SHROOM4: variants seen among roughly 807,000 people sequenced by gnomAD.
SHROOM4 encodes shroom family member 4.
Under a neutral mutation model 80.3 loss-of-function variants are expected in SHROOM4, and 17 were observed. The observed-to-expected ratio is 0.21, with a 90% CI of 0.14 to 0.32. The LOEUF is 0.32. Ranked by LOEUF, SHROOM4 falls within the 10% of genes least tolerant of loss-of-function variation. SHROOM4 has a pLI of 1.00. For missense variants in SHROOM4, 993 were observed against 1,140.3 expected (o/e 0.87, Z 1.86); for synonymous variants, 400 against 437.5 (o/e 0.91, Z 1.07).
chrX:50,720,416 T>TA (rs1934077749), intron 1 of SHROOM4, among the ~76,000 whole-genome samples: 1 of 112,125 alleles, frequency 8.9e-6, no homozygotes, highest in African/African-American at 3.2e-5. Flanking sequence ...AACTCCTCCT[T>TA]AGAGTCCCCA....
intron 1 of SHROOM4, among the ~76,000 whole-genome samples, chrX:50,771,602 A>C (rs916421352): frequency 8.9e-6 from 1 of 112,270 alleles, no homozygotes; most frequent in Non-Finnish European, 1.9e-5. Context: ...GTTGCAATGC[A>C]ATAACTCATA....
chrX:50,672,462 T>C (rs782762878), intron 2 of SHROOM4, among the ~76,000 whole-genome samples: 9 of 111,318 alleles, frequency 8.1e-5, no homozygotes, highest in Non-Finnish European at 1.7e-4. Flanking sequence ...CAGTTGAAGA[T>C]AGAAAAATAT....
chrX:50,689,367 T>C (rs1487066040), intron 2 of SHROOM4, among the ~76,000 whole-genome samples: 1 of 111,933 alleles, frequency 8.9e-6, no homozygotes, highest in Non-Finnish European at 1.9e-5. Context: ...AAGTTGTCTA[T>C]GGAGAGCATG....
chrX:50,713,491 C>A (rs148488794), intron 1 of SHROOM4, among the ~76,000 whole-genome samples: 6,226 of 109,715 alleles, frequency 0.057, 447 homozygotes, highest in African/African-American at 0.2. Context: ...ATTAGCTGGG[C>A]ATGGTGTCAT....
intron 1 of SHROOM4, among the ~76,000 whole-genome samples, chrX:50,781,222 C>T (rs1557270636): frequency 9.0e-6 from 1 of 111,180 alleles, no homozygotes. Flanking sequence ...CTAGTCTCTT[C>T]CAGAAACACC....
chrX:50,742,268 T>C (rs924429712), intron 1 of SHROOM4, among the ~76,000 whole-genome samples: 2 of 111,652 alleles, frequency 1.8e-5, no homozygotes, highest in Non-Finnish European at 3.8e-5. Context: ...TAAGATACTA[T>C]AGAGATTTAC....
chrX:50,669,176 G>A (rs782271945), intron 2 of SHROOM4, among the ~76,000 whole-genome samples: 2 of 112,221 alleles, frequency 1.8e-5, no homozygotes, highest in East Asian at 5.6e-4. Context: ...GATTGGAGTA[G>A]GTGTGGCAAT....
Position 50,634,217 on chromosome X carries a change from G to A in SHROOM4, c.1856C>T (p.Pro619Leu), listed in dbSNP as rs373985980. 5 of 1,209,742 alleles carry A rather than the reference G, an allele frequency of 4.1e-6. No homozygotes were observed. The African/African-American group carries it at 8.8e-5, about 21-fold the overall frequency. Residue 619 changes from proline (P) to leucine (L), a missense_variant, in exon 4 of 9, where the codon CCA becomes CTA. Physicochemically the swap from Pro to Leu is moderately conservative, Grantham distance 98. Coordinates refer to ENST00000376020, the MANE Select transcript of SHROOM4 (RefSeq NM_020717.5). ...TGGGGGCTCCTGGGTCTCTTCCACT[G>A]GCTCCTTAGTGTCACACAGCTGTGA... ...PLSQLCDTKE[P>L]VEETQEPPES...
In SHROOM4 at chrX:50,633,234, C is replaced by T. The variant is rs375463767; in HGVS notation, c.2839G>A (p.Glu947Lys). The change falls in exon 4 of 9, where the codon GAG becomes AAG. Residue 947 changes from glutamate to lysine, a missense_variant. Transcript: ENST00000376020. ...CYHNPQHSAL[E>K]DSSLAPGNTW... is the part of the protein sequence containing the mutation. ...TTGCCAGGTGCCAAGCTGCTGTCCT[C>T]GAGGGCACTGTGCTGAGGATTATGA... 2.1e-5 allele frequency: 25 copies of T among 1,209,772 alleles called. No individual in the cohort carries two copies. Among genetic ancestry groups the T allele is most frequent in the Non-Finnish European group, 2.6e-5 (23 of 895,234 alleles).
chrX:50,750,934 C>T (rs982495006), intron 1 of SHROOM4, among the ~76,000 whole-genome samples: 1 of 111,975 alleles, frequency 8.9e-6, no homozygotes, highest in Non-Finnish European at 1.9e-5. Flanking sequence ...AAAACATTAA[C>T]GTATCACTTA....
At chrX:50,797,678 AG>A (rs1349730895) in intron 1 of SHROOM4, among the ~76,000 whole-genome samples, 8 of 111,864 alleles carry the variant, frequency 7.2e-5, no homozygotes, top group African/African-American at 2.6e-4. Context: ...AGAGAAAACA[AG>A]GATGATGAAA....
At chrX:50,611,578 G>C (rs186670334) in intron 5 of SHROOM4, among the ~76,000 whole-genome samples, 3 of 111,903 alleles carry the variant, frequency 2.7e-5, no homozygotes, top group East Asian at 2.8e-4. Flanking sequence ...AACAAACAAT[G>C]AAAATATCAG....
the SHROOM4 span, among the ~76,000 whole-genome samples, chrX:50,576,006 A>T: frequency 1.8e-5 from 2 of 111,714 alleles, no homozygotes; most frequent in East Asian, 5.6e-4. Flanking sequence ...CAGTGCCGCT[A>T]GGCCTTCCAG....
At chrX:50,807,171 C>T (rs781822724) in intron 1 of SHROOM4, among the ~76,000 whole-genome samples, 6 of 112,083 alleles carry the variant, frequency 5.4e-5, no homozygotes, top group South Asian at 3.8e-4. Context: ...ACTCCCTGAT[C>T]GAGGCTTTAG....
At chrX:50,733,577 G>C (rs782785701) in intron 1 of SHROOM4, among the ~76,000 whole-genome samples, 8 of 111,613 alleles carry the variant, frequency 7.2e-5, no homozygotes, top group Non-Finnish European at 1.5e-4. Context: ...GAACTTCCCA[G>C]CCTCAAAAAC....
chrX:50,791,421 A>AT (rs1224616223), intron 1 of SHROOM4, among the ~76,000 whole-genome samples: 26 of 104,940 alleles, frequency 2.5e-4, no homozygotes, highest in East Asian at 9.0e-4. Flanking sequence ...TCTTAATGGC[A>AT]TTTTTTTTTT....
At chrX:50,584,869 T>C (rs1284753568), downstream of SHROOM4, among the ~76,000 whole-genome samples, 6 of 111,164 alleles carry the variant, frequency 5.4e-5, no homozygotes, top group African/African-American at 1.3e-4. Context: ...CAACCAGATA[T>C]AAAGTTTTGG....
intron 5 of SHROOM4, among the ~76,000 whole-genome samples, chrX:50,615,130 G>A (rs868936545): frequency 2.0e-5 from 2 of 100,146 alleles, no homozygotes; most frequent in African/African-American, 7.7e-5. Flanking sequence ...GTGTGTGTGT[G>A]TATACACTAA....
At chrX:50,807,613 T>C (rs1936253153) in intron 1 of SHROOM4, among the ~76,000 whole-genome samples, 1 of 112,164 alleles carries the variant, frequency 8.9e-6, no homozygotes, top group Admixed American at 9.4e-5. Context: ...TCTTCTATTA[T>C]ACAAATTCCT....
Sources: gnomAD v4.1 joint callset for allele counts (sites outside exome capture counted in the v4.1 genomes callset) on GRCh38, gnomAD v4.1.1 for gene constraint, MANE v1.5 for transcripts, NCBI Gene and HGNC (gene_info 2026-07-23, HGNC 2026-07-21) for gene names.